Variants in WDR70 observed in about 807,000 individuals in gnomAD.
The protein encoded by WDR70 is WD repeat domain 70, also known as WD repeat-containing protein 70.
WDR70 carries 53 observed loss-of-function variants against 88.6 expected under a neutral mutation model. The observed-to-expected ratio is 0.60, with a 90% confidence interval of 0.48 to 0.75. The LOEUF is 0.75. Ranked by LOEUF, WDR70 falls within the 30% of genes least tolerant of loss-of-function variation. The pLI, the probability that WDR70 is intolerant of heterozygous loss-of-function variation, is 0.00. For synonymous variants in WDR70, 280 were observed against 270.0 expected, an observed-to-expected ratio of 1.04 and a Z score of -0.36; for missense variants, 610 against 823.2, an observed-to-expected ratio of 0.74 and a Z score of 3.17.
intron 10 of WDR70, among the ~76,000 whole-genome samples, chr5:37,622,096 T>C (rs923772462): frequency 6.6e-6 from 1 of 152,152 alleles, no homozygotes; most frequent in Non-Finnish European, 1.5e-5. Flanking sequence ...ATATCTCTGT[T>C]TTGGTACCAG....
intron 8 of WDR70, among the ~76,000 whole-genome samples, chr5:37,500,690 T>A (rs1740380014): frequency 6.7e-6 from 1 of 149,588 alleles, no homozygotes; most frequent in African/African-American, 2.4e-5. Flanking sequence ...TTAGTGATGT[T>A]GAGCATTTTA....
chr5:37,640,250 C>T (rs1460272457), intron 10 of WDR70, among the ~76,000 whole-genome samples: 1 of 152,138 alleles, frequency 6.6e-6, no homozygotes, highest in African/African-American at 2.4e-5. Flanking sequence ...AAAAATTCCT[C>T]AAATACCTGT....
rs116581294 is a variant in WDR70 at position 37,476,535 on chromosome 5, A to G, written c.687-3299A>G. Among the ~76,000 whole-genome samples the G allele has an allele frequency of 1.6e-3, 233 of 145,890 alleles. 2 individuals carry two copies. Among genetic ancestry groups the G allele is most frequent in the African/African-American group, 5.3e-3 (217 of 40,626 alleles). Reference sequence around the variant, plus strand: ...TTGTGAATACTATCTACAATGTTTTATTGTTTCTTTTTTCTTCTTCTTTTT... The same window carrying G: ...TTGTGAATACTATCTACAATGTTTTGTTGTTTCTTTTTTCTTCTTCTTTTT... On this transcript the variant is annotated intron_variant, in intron 7 of 17. Transcript: ENST00000265107.
intron 10 of WDR70, among the ~76,000 whole-genome samples, chr5:37,624,618 CA>C (rs1410386860): frequency 6.6e-6 from 1 of 152,024 alleles, no homozygotes; most frequent in African/African-American, 2.4e-5. Context: ...TCATAAAAGG[CA>C]GATTAATTAG....
intron 7 of WDR70, among the ~76,000 whole-genome samples, chr5:37,478,609 A>G (rs557806726): frequency 3.1e-4 from 47 of 152,364 alleles, no homozygotes; most frequent in Middle Eastern, 3.4e-3. Context: ...ATTGCCATGT[A>G]GTTGCCATAG....
rs368186467 is a variant in WDR70 at position 37,504,686 on chromosome 5, T to C, written c.841-11828T>C. On this transcript the variant is annotated intron_variant, in intron 8 of 17. Coordinates refer to ENST00000265107, the MANE Select transcript of WDR70 (RefSeq NM_018034.4). The stretch of plus-strand genomic sequence containing the variant: ...TTGTAAAGTTCTGATCTCTTCCCAC[T>C]ATGCATATTTACCCTTTACTGTTAA... Among the ~76,000 whole-genome samples the C allele has an allele frequency of 2.1e-4, 32 of 152,364 alleles. 2 individuals are homozygous for C. The South Asian group carries it at 6.4e-3, about 31-fold the overall frequency.
chr5:37,450,450 G>A (rs1441593811), intron 7 of WDR70, among the ~76,000 whole-genome samples: 5 of 152,090 alleles, frequency 3.3e-5, no homozygotes, highest in Admixed American at 1.3e-4. Flanking sequence ...CTACATCCAC[G>A]TTAACCTGAA....
chr5:37,633,418 A>G (rs2112528275), intron 10 of WDR70, among the ~76,000 whole-genome samples: 1 of 152,200 alleles, frequency 6.6e-6, no homozygotes, highest in Non-Finnish European at 1.5e-5. Flanking sequence ...TCAAGATTAT[A>G]GAAATGGTGT....
intron 10 of WDR70, among the ~76,000 whole-genome samples, chr5:37,673,664 C>G (rs541125437): frequency 2.3e-5 from 3 of 128,180 alleles, no homozygotes; most frequent in Non-Finnish European, 4.7e-5. Flanking sequence ...AGGTTTGTTA[C>G]ATAGGTAAAT....
At chr5:37,488,502 C>CTTTTTTTTTTTT (rs113142236) in intron 8 of WDR70, among the ~76,000 whole-genome samples, 3 of 137,532 alleles carry the variant, frequency 2.2e-5, no homozygotes, top group African/African-American at 2.7e-5. Context: ...TTGTTCTTTA[C>CTTTTTTTTTTTT]TTTTTTTTTT....
intron 9 of WDR70, among the ~76,000 whole-genome samples, chr5:37,518,680 C>CTT (rs35818980): frequency 1.4e-4 from 17 of 123,716 alleles, no homozygotes; most frequent in African/African-American, 4.4e-4. Context: ...GCACAGATAT[C>CTT]TTTTTTTTTT....
At chr5:37,679,603 G>T (rs1196098676) in intron 10 of WDR70, among the ~76,000 whole-genome samples, 1 of 152,332 alleles carries the variant, frequency 6.6e-6, no homozygotes, top group East Asian at 1.9e-4. Flanking sequence ...TTTTGTCTCA[G>T]AGGAGTACCC....
intron 10 of WDR70, among the ~76,000 whole-genome samples, chr5:37,616,522 TC>T (rs1333121930): frequency 6.6e-6 from 1 of 152,112 alleles, no homozygotes; most frequent in Non-Finnish European, 1.5e-5. Context: ...TATATGCCTC[TC>T]CCACAAGCCC....
chr5:37,742,933 A>T (rs1173866632), intron 17 of WDR70, among the ~76,000 whole-genome samples: 1 of 152,242 alleles, frequency 6.6e-6, no homozygotes. Flanking sequence ...TGGTTTTTCC[A>T]ATTTGGGGAA....
intron 8 of WDR70, among the ~76,000 whole-genome samples, chr5:37,481,502 C>T (rs2112161117): frequency 6.6e-6 from 1 of 152,162 alleles, no homozygotes; most frequent in Admixed American, 6.5e-5. Flanking sequence ...GAAGCCATGG[C>T]CTGAGGTGTA....
intron 7 of WDR70, among the ~76,000 whole-genome samples, chr5:37,447,441 A>G (rs1229762314): frequency 6.6e-6 from 1 of 152,250 alleles, no homozygotes; most frequent in Non-Finnish European, 1.5e-5. Flanking sequence ...TACTGGTTAT[A>G]TACCCAAAGG....
chr5:37,690,531 C>A (rs10052521), intron 10 of WDR70, among the ~76,000 whole-genome samples: 29,236 of 152,116 alleles, frequency 0.19, 3,359 homozygotes, highest in African/African-American at 0.31. Flanking sequence ...CTCTACAAGC[C>A]AGAAGAGAGT....
intron 10 of WDR70, among the ~76,000 whole-genome samples, chr5:37,635,494 C>T (rs903109455): frequency 6.6e-6 from 1 of 152,176 alleles, no homozygotes; most frequent in Non-Finnish European, 1.5e-5. Flanking sequence ...AAATTTACAT[C>T]TGCAGTATTT....
chr5:37,655,809 A>C (rs1472316435), intron 10 of WDR70, among the ~76,000 whole-genome samples: 2 of 151,772 alleles, frequency 1.3e-5, no homozygotes, highest in African/African-American at 4.8e-5. Flanking sequence ...GTTCTTCTCT[A>C]AACTAGTTAT....
Sources: gnomAD v4.1 joint callset for allele counts (sites outside exome capture counted in the v4.1 genomes callset) on GRCh38, gnomAD v4.1.1 for gene constraint, MANE v1.5 for transcripts, NCBI Gene and HGNC (gene_info 2026-07-23, HGNC 2026-07-21) for gene names.